The following ANTXR1 variants were observed in gnomAD, a reference collection of about 807,000 sequenced individuals.
The protein encoded by ANTXR1 is ANTXR cell adhesion molecule 1, also known as anthrax toxin receptor 1.
A neutral mutation model predicts 78.1 loss-of-function variants in ANTXR1; 19 were observed. The ratio of observed to expected loss-of-function variants is 0.24; its 90% CI spans 0.17 to 0.36. The LOEUF is 0.36. ANTXR1 is among the 10% of genes least tolerant of loss of function. ANTXR1 has a pLI of 1.00. For synonymous variants in ANTXR1, 273 were observed against 260.5 expected (o/e 1.05, Z -0.46); for missense variants, 518 against 718.6 (o/e 0.72, Z 3.19).
intron 1 of ANTXR1, among the ~76,000 whole-genome samples, chr2:69,032,759 G>A (rs1481856933): frequency 6.6e-6 from 1 of 151,620 alleles, no homozygotes; most frequent in Non-Finnish European, 1.5e-5. Flanking sequence ...TACATGTGTT[G>A]TGTGTGTGTG....
At chr2:69,238,304 T>A (rs79720889) in intron 17 of ANTXR1, among the ~76,000 whole-genome samples, 2 of 152,188 alleles carry the variant, frequency 1.3e-5, no homozygotes, top group African/African-American at 4.8e-5. Flanking sequence ...CTGTCTGTCT[T>A]CACCTCTAGA....
chr2:69,117,567 T>C (rs1289600793), intron 10 of ANTXR1, among the ~76,000 whole-genome samples: 1 of 152,182 alleles, frequency 6.6e-6, no homozygotes, highest in East Asian at 1.9e-4. Context: ...TCTACAAAGA[T>C]GTTAATTTGG....
At position 69,245,329 on chromosome 2, in the gene ANTXR1, TC is replaced by T. The variant is rs1675995442; in HGVS notation, c.1544del (p.Pro515HisfsTer79). 7.1e-7 allele frequency: 1 copy of T among 1,402,662 alleles called. No individual in the cohort carries two copies. Among genetic ancestry groups the T allele is most frequent in the Non-Finnish European group, 9.4e-7 (1 of 1,068,772 alleles). The allele number at this position is 1,402,662 out of a possible 1,614,324, so 86.9% of individuals were successfully genotyped here. On this transcript the variant is annotated frameshift_variant, in exon 18 of 18. Coordinates refer to ENST00000303714, the MANE Select transcript of ANTXR1 (RefSeq NM_032208.3). LOFTEE classifies it high-confidence loss of function. ...CGCCGCCTCCTGCCCCCATCTACAC[TC>T]CCCCACCTCCTGCGCCCCACTGCCC... is the stretch of plus-strand genomic sequence containing the variant. ...SSPPPAPIYTPPPPAPHCPPP... is the reference protein window; with the variant it reads ...SSPPPAPIYTXPPPAPHCPPP...
chr2:69,102,133 C>T (rs767010194), intron 9 of ANTXR1, among the ~76,000 whole-genome samples: 4 of 152,184 alleles, frequency 2.6e-5, no homozygotes, highest in African/African-American at 9.7e-5. Context: ...GGCAACTGAC[C>T]ACTGCTAAGA....
rs182164177 is a variant in ANTXR1, at chr2:69,121,113, A to G, written c.803-1904A>G. Among the ~76,000 whole-genome samples, 58 of 152,290 alleles carry G rather than the reference A, an allele frequency of 3.8e-4. No homozygotes were observed. The East Asian group carries it at 9.8e-3, about 26-fold the overall frequency. ...GAAGCATTTCCTGACCTCCCAGATG[A>G]GGGCCAGCCCCCTCCTCCTTTTGTG... On this transcript the variant is annotated intron_variant, in intron 10 of 17. Coordinates refer to ENST00000303714, the MANE Select transcript of ANTXR1 (RefSeq NM_032208.3).
rs554874072 is a variant in ANTXR1, at chr2:69,104,742, G to C, written c.802+1802G>C. Among the ~76,000 whole-genome samples the C allele has an allele frequency of 5.3e-5, 8 of 152,272 alleles. No homozygotes were observed. The South Asian group carries it at 1.7e-3, about 32-fold the overall frequency. ...CATGGAAGTGGGCTGGGGAGAGAGA[G>C]AATCTACCCTATGTGCCGTTGCTCA... is the stretch of plus-strand genomic sequence containing the variant. On this transcript the variant is annotated intron_variant, in intron 10 of 17. Coordinates refer to ENST00000303714, the MANE Select transcript of ANTXR1 (RefSeq NM_032208.3).
At chr2:69,128,868 T>C (rs1239132226) in intron 12 of ANTXR1, among the ~76,000 whole-genome samples, 2 of 152,214 alleles carry the variant, frequency 1.3e-5, no homozygotes, top group African/African-American at 4.8e-5. Context: ...GAACCAAAAA[T>C]ATTTTTAAAA....
chr2:69,175,819 T>G (rs530869078), intron 14 of ANTXR1, among the ~76,000 whole-genome samples: 15 of 152,232 alleles, frequency 9.9e-5, no homozygotes, highest in African/African-American at 3.4e-4. Flanking sequence ...CTTTGAAGGA[T>G]GAGCTTATTT....
At position 69,045,891 on chromosome 2, in the gene ANTXR1, C is replaced by A. The variant is rs551656600; in HGVS notation, c.296+1078C>A. Among the ~76,000 whole-genome samples, 4 of 152,252 alleles carry A rather than the reference C, an allele frequency of 2.6e-5. No homozygotes were observed. The South Asian group carries it at 8.3e-4, about 32-fold the overall frequency. ...GGAGAAACTGAGGCCATGTCACCTT[C>A]CCAAGAATAGCAAACAGAACCCAGA... is the stretch of plus-strand genomic sequence containing the variant. On this transcript the variant is annotated intron_variant, in intron 3 of 17. Coordinates refer to ENST00000303714, the MANE Select transcript of ANTXR1 (RefSeq NM_032208.3).
intron 17 of ANTXR1, among the ~76,000 whole-genome samples, chr2:69,229,397 A>G (rs1675535095): frequency 6.6e-6 from 1 of 152,198 alleles, no homozygotes; most frequent in South Asian, 2.1e-4. Flanking sequence ...GAGCTTGTAT[A>G]TATGGAGCGG....
chr2:69,066,036 A>G (rs931655044), intron 3 of ANTXR1, among the ~76,000 whole-genome samples: 3 of 152,264 alleles, frequency 2.0e-5, no homozygotes, highest in Non-Finnish European at 2.9e-5. Flanking sequence ...AAACAAATTC[A>G]GAATAAAGAA....
intron 13 of ANTXR1, among the ~76,000 whole-genome samples, chr2:69,169,202 C>T (rs1326852600): frequency 1.3e-5 from 2 of 152,274 alleles, no homozygotes; most frequent in Non-Finnish European, 2.9e-5. Context: ...GTCCTGTGGG[C>T]TGTGCCCGAG....
chr2:69,118,180 G>T (rs1040044806), intron 10 of ANTXR1, among the ~76,000 whole-genome samples: 1 of 150,818 alleles, frequency 6.6e-6, no homozygotes, highest in African/African-American at 2.5e-5. Flanking sequence ...GGAGGCTGAA[G>T]CAGGCAGATA....
rs2104453542 is a variant in ANTXR1 at position 69,172,493 on chromosome 2, T to C, written c.1089+2204T>C. The C allele has an allele frequency of 2.0e-5, 29 of 1,470,726 alleles. No individual in the cohort carries two copies. In the South Asian group the frequency reaches 4.2e-4, roughly 21 times the overall value. The allele number at this position is 1,470,726 out of a possible 1,614,324, so 91.1% of individuals were successfully genotyped here. A position where few individuals can be genotyped will look rare whatever the true frequency, so the allele number is the denominator to read the frequency against. On this transcript the variant is annotated intron_variant, in intron 14 of 17. Coordinates refer to ENST00000303714, the MANE Select transcript of ANTXR1 (RefSeq NM_032208.3). Reference sequence around the variant, plus strand: ...TCATAGTCTCAATCTAGACAGTCTTTTCCTCTAGTTCCCTGTATTCAAATC... The same window carrying C: ...TCATAGTCTCAATCTAGACAGTCTTCTCCTCTAGTTCCCTGTATTCAAATC...
intron 1 of ANTXR1, among the ~76,000 whole-genome samples, chr2:69,031,332 A>G (rs1671525980): frequency 6.6e-6 from 1 of 152,216 alleles, no homozygotes; most frequent in African/African-American, 2.4e-5. Context: ...AACAAGAGAC[A>G]CTGCATTTTC....
At chr2:69,178,614 C>A (rs1018019963) in intron 14 of ANTXR1, among the ~76,000 whole-genome samples, 2 of 152,092 alleles carry the variant, frequency 1.3e-5, no homozygotes, top group African/African-American at 4.8e-5. Context: ...GAACTGCCCC[C>A]GTGTGCAAGT....
intron 8 of ANTXR1, among the ~76,000 whole-genome samples, chr2:69,079,942 C>T (rs1244006325): frequency 6.6e-6 from 1 of 152,242 alleles, no homozygotes; most frequent in African/African-American, 2.4e-5. Flanking sequence ...CCAAGCTCAA[C>T]ATGAGCCCAA....
At chr2:69,035,487 C>G (rs1308875457) in intron 1 of ANTXR1, among the ~76,000 whole-genome samples, 1 of 152,110 alleles carries the variant, frequency 6.6e-6, no homozygotes, top group East Asian at 1.9e-4. Flanking sequence ...CCCCTTTACT[C>G]TCTTTTTCCT....
intron 12 of ANTXR1, among the ~76,000 whole-genome samples, chr2:69,151,817 A>C (rs922352244): frequency 6.6e-6 from 1 of 152,228 alleles, no homozygotes; most frequent in African/African-American, 2.4e-5. Flanking sequence ...CATCAGACCC[A>C]GTGAGGAGGC....
Sources: gnomAD v4.1 joint callset for allele counts (sites outside exome capture counted in the v4.1 genomes callset) on GRCh38, gnomAD v4.1.1 for gene constraint, MANE v1.5 for transcripts, NCBI Gene and HGNC (gene_info 2026-07-23, HGNC 2026-07-21) for gene names.